NFRKB: variants seen among roughly 807,000 people sequenced by gnomAD.
NFRKB encodes the protein nuclear factor related to kappaB binding protein, also known as nuclear factor related to kappa-B-binding protein.
A neutral mutation model predicts 135.7 loss-of-function variants in NFRKB; 62 were observed. The ratio of observed to expected loss-of-function variants is 0.46; its 90% CI spans 0.37 to 0.56. The LOEUF is 0.56. Ranked by LOEUF, NFRKB falls within the 20% of genes least tolerant of loss-of-function variation. NFRKB has a pLI of 0.00. For missense variants in NFRKB, 1,545 were observed against 1,662.0 expected (o/e 0.93, Z 1.22); for synonymous variants, 678 against 635.6 (o/e 1.07, Z -1.00).
intron 2 of NFRKB, chr11:129,893,940 A>G (rs1949669190): frequency 6.6e-6 from 1 of 152,280 alleles, no homozygotes; most frequent in Non-Finnish European, 1.5e-5. Flanking sequence ...ATTAGTCCAT[A>G]TAAATTCCTG....
chr11:129,885,723 TC>T, intron 5 of NFRKB, 114 bp from the exon 6 acceptor site: 1 of 922,578 alleles, frequency 1.1e-6, no homozygotes, highest in Non-Finnish European at 1.6e-6. Flanking sequence ...ACTCCCTCCC[TC>T]CAGATCACAA....
At chr11:129,866,118 G>C in intron 24 of NFRKB, 135 bp from the exon 25 acceptor site, 2 of 677,800 alleles carry the variant, frequency 3.0e-6, no homozygotes, top group Non-Finnish European at 4.8e-6. Flanking sequence ...AGGGTCTCAA[G>C]GCTCCTGAGG....
chr11:129,877,803 G>A (rs911402259), intron 15 of NFRKB, among the ~76,000 whole-genome samples: 2 of 152,138 alleles, frequency 1.3e-5, no homozygotes, highest in Admixed American at 6.5e-5. Context: ...TGAAGCAAAA[G>A]TTCTGCCACA....
At chr11:129,886,794 C>T (rs953487580) in intron 4 of NFRKB, among the ~76,000 whole-genome samples, 2 of 152,180 alleles carry the variant, frequency 1.3e-5, no homozygotes, top group African/African-American at 4.8e-5. Context: ...GGAAACATGC[C>T]AGCAAAAGAG....
At position 129,876,844 on chromosome 11, in the gene NFRKB, C is replaced by T. The variant is rs1948789250; in HGVS notation, c.1624G>A (p.Gly542Ser). 4 of 1,614,122 alleles carry T rather than the reference C, an allele frequency of 2.5e-6. No homozygotes were observed. The highest frequency in any genetic ancestry group is 2.5e-6 in the Non-Finnish European group (3 of 1,180,012). Residue 542 changes from glycine to serine, a missense_variant, in exon 17 of 27, where the codon GGC becomes AGC. Transcript: ENST00000682444. ...PHKAFTFRMH[G>S]FESVVGPVKG... ...ACTGGCCCCACCACAGACTCAAAGC[C>T]GTGCATGCGAAAGGTGAACGCCTTA...
intron 23 of NFRKB, chr11:129,872,669 A>T (rs1164053708): frequency 4.2e-6 from 2 of 478,952 alleles, no homozygotes; most frequent in African/African-American, 3.9e-5. Flanking sequence ...ATGCTGAATT[A>T]AACGGAATGA....
chr11:129,876,950 C>T (rs776147833), intron 16 of NFRKB, 55 bp from the exon 17 acceptor site: 143 of 1,525,752 alleles, frequency 9.4e-5, no homozygotes, highest in Non-Finnish European at 1.2e-4. Flanking sequence ...GGTTCTCTCT[C>T]GGGCTTCCTT....
Position 129,864,583 on chromosome 11 carries a change from C to A in NFRKB, c.*142G>T. The A allele has an allele frequency of 8.4e-7, 1 of 1,193,592 alleles. No individual in the cohort carries two copies. The highest frequency in any genetic ancestry group is 1.2e-6 in the Non-Finnish European group (1 of 851,198). 73.9% of individuals were successfully genotyped at this position (1,193,592 alleles called of 1,614,324 possible). The stretch of plus-strand genomic sequence containing the variant: ...GCACGTGGCAGCAGAATCCAGGCCA[C>A]GAATCCAGGCCACCGTTGCCATCAC... On this transcript the variant is annotated 3_prime_UTR_variant, in exon 27 of 27. Transcript: ENST00000682444.
In NFRKB at chr11:129,878,522, T is replaced by C. The variant is rs1948880124; in HGVS notation, c.1406A>G (p.Lys469Arg). The C allele has an allele frequency of 6.2e-7, 1 of 1,614,042 alleles. No individual in the cohort carries two copies. The highest frequency in any genetic ancestry group is 2.2e-5 in the East Asian group (1 of 44,890). The change falls in exon 14 of 27, where the codon AAG (lysine) becomes AGG (arginine). Residue 469 changes from lysine to arginine, a missense_variant. Lys to Arg is a conservative substitution (Grantham distance 26). Coordinates refer to ENST00000682444, the MANE Select transcript of NFRKB (RefSeq NM_001143835.2). ...TAGCTGGAAGAGGGCAGCTAATTCC[T>C]TTTCATTATCTTGGGATTGGCCTAT... is the stretch of plus-strand genomic sequence containing the variant. ...KLLGQSQDNE[K>R]ELAALFQLWL...
rs116549565 is a variant in NFRKB at position 129,886,022 on chromosome 11, G to A, written c.465+295C>T. ...TTCATATCCATTCCAAGGAATCCTCGTTTCCCTTAATAACCCATGATAGAT... is the reference window on the plus strand; with the variant it reads ...TTCATATCCATTCCAAGGAATCCTCATTTCCCTTAATAACCCATGATAGAT... On this transcript the variant is annotated intron_variant, in intron 5 of 26. Transcript: ENST00000682444. Among the ~76,000 whole-genome samples the A allele has an allele frequency of 7.3e-3, 1,108 of 152,164 alleles. 18 individuals are homozygous for A. The highest frequency in any genetic ancestry group is 0.024 in the African/African-American group (989 of 41,498).
chr11:129,864,599 T>G lies in NFRKB; in HGVS notation c.*126A>C, dbSNP rs962140497. The G allele has an allele frequency of 7.4e-7, 1 of 1,352,190 alleles. No homozygotes were observed. 83.8% of individuals were successfully genotyped at this position (1,352,190 alleles called of 1,614,324 possible). On this transcript the variant is annotated 3_prime_UTR_variant, in exon 27 of 27. Transcript: ENST00000682444. ...TCCAGGCCACGAATCCAGGCCACCG[T>G]TGCCATCACCCCTCGCCTGGCTGCC...
At position 129,888,424 on chromosome 11, in the gene NFRKB, GT is replaced by G. The variant is rs778220953; in HGVS notation, c.337+169del. On this transcript the variant is annotated intron_variant, in intron 4 of 26. Coordinates refer to ENST00000682444, the MANE Select transcript of NFRKB (RefSeq NM_001143835.2). ...TTTCTATATAAGTCAATACATTTTT[GT>G]TTTTTAGAACACAGCCTAGACAGCA... 21 of 732,724 alleles carry G rather than the reference GT, an allele frequency of 2.9e-5. No homozygotes were observed. In the East Asian group the frequency reaches 5.6e-4, roughly 20 times the overall value. 45.4% of individuals were successfully genotyped at this position (732,724 alleles called of 1,614,324 possible). A position where few individuals can be genotyped will look rare whatever the true frequency, so the allele number is the denominator to read the frequency against.
intron 22 of NFRKB, 80 bp from the exon 23 acceptor site, chr11:129,873,176 A>T: frequency 3.2e-6 from 4 of 1,269,420 alleles, no homozygotes; most frequent in Non-Finnish European, 4.3e-6. Flanking sequence ...CTCCCTCAGC[A>T]CCCCGGAAGC....
chr11:129,894,111 A>G (rs886542775), intron 2 of NFRKB: 2 of 152,104 alleles, frequency 1.3e-5, no homozygotes, highest in African/African-American at 4.8e-5. Context: ...ATACCACAAC[A>G]TTTTCAGACT....
At chr11:129,885,393 C>T (rs1779405789) in intron 6 of NFRKB, 42 bp downstream of exon 6, 2 of 1,560,752 alleles carry the variant, frequency 1.3e-6, no homozygotes, top group South Asian at 1.2e-5. Flanking sequence ...GGCCGGTATC[C>T]ATCCAATACC....
At chr11:129,892,475 A>G (rs1166747235) in intron 3 of NFRKB, among the ~76,000 whole-genome samples, 3 of 152,160 alleles carry the variant, frequency 2.0e-5, no homozygotes, top group Non-Finnish European at 4.4e-5. Flanking sequence ...GGCTTAAATC[A>G]TGTTATCAAG....
intron 9 of NFRKB, 40 bp from the exon 10 acceptor site, chr11:129,882,671 C>T (rs1257634006): frequency 6.3e-7 from 1 of 1,588,742 alleles, no homozygotes. Context: ...AAATGTATCT[C>T]CTACACAGGG....
Position 129,865,109 on chromosome 11 carries a change from G to A in NFRKB, c.3639-8C>T. On this transcript the variant is annotated splice_polypyrimidine_tract_variant and splice_region_variant and intron_variant, in intron 25 of 26. Transcript: ENST00000682444. Reference sequence around the variant, plus strand: ...CGGCCCAACCCACTGAGGCTGTGGAGGGAAAGCAGGGGTGAGATATAATGA... The same window carrying A: ...CGGCCCAACCCACTGAGGCTGTGGAAGGAAAGCAGGGGTGAGATATAATGA... 3 of 1,605,980 alleles carry A rather than the reference G, an allele frequency of 1.9e-6. No individual in the cohort carries two copies. The highest frequency in any genetic ancestry group is 2.6e-6 in the Non-Finnish European group (3 of 1,174,788).
chr11:129,883,280 T>C, intron 8 of NFRKB, 74 bp from the exon 9 acceptor site: 1 of 1,058,018 alleles, frequency 9.5e-7, no homozygotes, highest in Middle Eastern at 2.0e-4. Context: ...TGCCAATTTA[T>C]GTAACAATTA....
Sources: allele counts gnomAD v4.1 joint callset (sites outside exome capture counted in the v4.1 genomes callset), GRCh38; gene constraint gnomAD v4.1.1; transcripts MANE v1.5; gene names NCBI Gene and HGNC (gene_info 2026-07-23, HGNC 2026-07-21).